The following LPIN1 variants were observed in gnomAD, a reference collection of about 807,000 sequenced individuals.
LPIN1 encodes the protein phosphatidate phosphatase LPIN1.
A neutral mutation model predicts 107.5 loss-of-function variants in LPIN1; 71 were observed. The ratio of observed to expected loss-of-function variants is 0.66; its 90% CI spans 0.55 to 0.80. The LOEUF (loss-of-function observed/expected upper bound fraction) is 0.80, where lower values mean the gene tolerates loss of function less well. Among genes scored for constraint, LPIN1 ranks in the 30% least tolerant of loss-of-function variants. LPIN1 has a pLI of 0.00. For missense variants in LPIN1, 1,043 were observed against 1,160.6 expected (o/e 0.90, Z 1.47); for synonymous variants, 445 against 452.6 (o/e 0.98, Z 0.21).
intron 9 of LPIN1, chr2:11,784,602 T>C: frequency 1.9e-6 from 1 of 521,358 alleles, no homozygotes; most frequent in Non-Finnish European, 3.4e-6. Context: ...GGCTGGCGCC[T>C]GGAGGGGAAG....
chr2:11,713,603 A>G (rs980419890), intron 1 of LPIN1, among the ~76,000 whole-genome samples: 1 of 151,804 alleles, frequency 6.6e-6, no homozygotes, highest in Non-Finnish European at 1.5e-5. Flanking sequence ...GTTTTTTTTT[A>G]ATTGGCATAT....
At chr2:11,703,031 A>G (rs552094894) in intron 1 of LPIN1, among the ~76,000 whole-genome samples, 1 of 152,352 alleles carries the variant, frequency 6.6e-6, no homozygotes, top group South Asian at 2.1e-4. Flanking sequence ...TGACATGCAA[A>G]TACCACTATT....
intron 2 of LPIN1, among the ~76,000 whole-genome samples, chr2:11,766,343 G>T (rs774136237): frequency 6.6e-6 from 1 of 152,202 alleles, no homozygotes; most frequent in Non-Finnish European, 1.5e-5. Flanking sequence ...TTTTCTTGGT[G>T]GTGTCAATGG....
intron 2 of LPIN1, among the ~76,000 whole-genome samples, chr2:11,714,686 C>T (rs2148527078): frequency 6.6e-6 from 1 of 152,264 alleles, no homozygotes; most frequent in Non-Finnish European, 1.5e-5. Flanking sequence ...TAGGGAGGTT[C>T]CAGAGGGGCT....
At chr2:11,730,892 C>G (rs1001142347) in intron 1 of LPIN1, among the ~76,000 whole-genome samples, 1 of 152,180 alleles carries the variant, frequency 6.6e-6, no homozygotes, top group Non-Finnish European at 1.5e-5. Context: ...GCATGTCACT[C>G]TCCTGTTCTG....
intron 2 of LPIN1, among the ~76,000 whole-genome samples, chr2:11,716,150 G>A (rs960268208): frequency 1.1e-4 from 17 of 152,136 alleles, no homozygotes; most frequent in African/African-American, 3.9e-4. Context: ...CACAGTGGAC[G>A]GTGCGGATCA....
At chr2:11,777,967 T>A (rs1339907260) in intron 6 of LPIN1, among the ~76,000 whole-genome samples, 1 of 152,204 alleles carries the variant, frequency 6.6e-6, no homozygotes, top group Non-Finnish European at 1.5e-5. Context: ...TTGTAGGTAC[T>A]GAGGCCCCTC....
chr2:11,732,653 A>G (rs1254052797), intron 1 of LPIN1, among the ~76,000 whole-genome samples: 1 of 152,196 alleles, frequency 6.6e-6, no homozygotes, highest in Non-Finnish European at 1.5e-5. Flanking sequence ...AGGCCAAAGG[A>G]CCACCTGATA....
intron 1 of LPIN1, among the ~76,000 whole-genome samples, chr2:11,757,928 A>G (rs1281475259): frequency 6.6e-6 from 1 of 151,686 alleles, no homozygotes; most frequent in Admixed American, 6.6e-5. Context: ...CTGACTCCCT[A>G]TTTTCCGCTT....
At chr2:11,790,973 GCTTT>G (rs1436238574) in intron 12 of LPIN1, among the ~76,000 whole-genome samples, 1 of 151,858 alleles carries the variant, frequency 6.6e-6, no homozygotes, top group Non-Finnish European at 1.5e-5. Context: ...TCTTTGGCCT[GCTTT>G]CTTTTTTTAA....
chr2:11,811,415 C>G (rs1679625407), intron 17 of LPIN1, among the ~76,000 whole-genome samples: 1 of 152,198 alleles, frequency 6.6e-6, no homozygotes, highest in South Asian at 2.1e-4. Context: ...AGGGAAGGCT[C>G]TTCCACCAGC....
At chr2:11,811,115 C>G (rs989343077) in intron 17 of LPIN1, among the ~76,000 whole-genome samples, 1 of 152,190 alleles carries the variant, frequency 6.6e-6, no homozygotes, top group Non-Finnish European at 1.5e-5. Flanking sequence ...CCCCAAGCAC[C>G]CTCTGCTTCT....
chr2:11,771,698 G>A lies in LPIN1; in HGVS notation c.596+19G>A. 3 of 1,573,082 alleles carry A rather than the reference G, an allele frequency of 1.9e-6. No homozygotes were observed. The highest frequency in any genetic ancestry group is 2.6e-6 in the Non-Finnish European group (3 of 1,158,714). On this transcript the variant is annotated intron_variant, in intron 4 of 20. Transcript: ENST00000674199. This position sits in a 1 kb window ranked among gnomAD's most constrained non-coding sequence, Gnocchi z 4.8. Reference sequence around the variant, plus strand: ...GCAGCAGGTAATAACTGTCCAGGGTGGAGGGGCTGTGCCAGAATCAGACAG... The same window carrying A: ...GCAGCAGGTAATAACTGTCCAGGGTAGAGGGGCTGTGCCAGAATCAGACAG...
At chr2:11,808,572 T>C (rs1679112090) in intron 17 of LPIN1, among the ~76,000 whole-genome samples, 1 of 152,142 alleles carries the variant, frequency 6.6e-6, no homozygotes, top group Non-Finnish European at 1.5e-5. Flanking sequence ...AGTATTTGTC[T>C]AATGAAAAAG....
At chr2:11,759,636 C>G (rs1669327018) in intron 1 of LPIN1, among the ~76,000 whole-genome samples, 1 of 152,254 alleles carries the variant, frequency 6.6e-6, no homozygotes, top group African/African-American at 2.4e-5. Context: ...CACATTTCCC[C>G]CTTTTCTATT....
At position 11,787,112 on chromosome 2, in the gene LPIN1, G is replaced by T. The variant is rs33997857; in HGVS notation, c.1588G>T (p.Val530Leu). The T allele has an allele frequency of 1.9e-6, 3 of 1,614,108 alleles. No homozygotes were observed. Among genetic ancestry groups the T allele is most frequent in the Non-Finnish European group, 2.5e-6 (3 of 1,179,962 alleles). ...GCAAGCTGTGTCATATCAACAGTTTGTGGACAACCCCGCTATTATCGATGA... is the reference window on the plus strand; with the variant it reads ...GCAAGCTGTGTCATATCAACAGTTTTTGGACAACCCCGCTATTATCGATGA... Reference protein sequence around the residue: ...LEQAVSYQQFVDNPAIIDDPN... With the variant: ...LEQAVSYQQFLDNPAIIDDPN... Residue 530 changes from valine to leucine, a missense_variant, in exon 11 of 21, where the codon GTG becomes TTG. Val to Leu is a conservative substitution (Grantham distance 32). Coordinates refer to ENST00000674199, the MANE Select transcript of LPIN1 (RefSeq NM_001349206.2).
At chr2:11,750,359 C>T (rs1029831258) in intron 1 of LPIN1, among the ~76,000 whole-genome samples, 1 of 152,182 alleles carries the variant, frequency 6.6e-6, no homozygotes, top group Non-Finnish European at 1.5e-5. Flanking sequence ...TCGGGGTGGC[C>T]TCTTTGGGCT....
At position 11,771,731 on chromosome 2, in the gene LPIN1, T is replaced by C; in HGVS notation, c.596+52T>C. On this transcript the variant is annotated intron_variant, in intron 4 of 20. Transcript: ENST00000674199. The surrounding 1 kb of genome is among the most constrained non-coding windows in gnomAD (Gnocchi z 4.8). ...TGTGCCAGAATCAGACAGTTAACTG[T>C]TCAAGATTATTTTTATGAACTTTTC... 2.0e-6 allele frequency: 3 copies of C among 1,486,306 alleles called. No homozygotes were observed. Among genetic ancestry groups the C allele is most frequent in the Non-Finnish European group, 2.7e-6 (3 of 1,091,652 alleles). The allele number at this position is 1,486,306 out of a possible 1,614,324, so 92.1% of individuals were successfully genotyped here. A position where few individuals can be genotyped will look rare whatever the true frequency, so the allele number is the denominator to read the frequency against.
intron 19 of LPIN1, among the ~76,000 whole-genome samples, chr2:11,820,188 C>A (rs537298074): frequency 5.3e-5 from 8 of 152,306 alleles, no homozygotes; most frequent in African/African-American, 1.9e-4. Context: ...GGTAGGTTGT[C>A]TTTTCTTCAA....
Sources: gnomAD v4.1 joint callset for allele counts (sites outside exome capture counted in the v4.1 genomes callset) on GRCh38, gnomAD v4.1.1 for gene constraint, Gnocchi (gnomAD v3.1) non-coding constraint, MANE v1.5 for transcripts, NCBI Gene and HGNC (gene_info 2026-07-23, HGNC 2026-07-21) for gene names.